Variants in ADGRA3 observed in about 807,000 individuals in gnomAD.
ADGRA3 encodes G-protein coupled receptor 125.
In ADGRA3, 56 loss-of-function variants were observed where a neutral mutation model predicts 119.8. The ratio of observed to expected loss-of-function variants is 0.47; its 90% CI spans 0.38 to 0.58. The LOEUF is 0.58. Ranked by LOEUF, ADGRA3 falls within the 20% of genes least tolerant of loss-of-function variation. ADGRA3 has a pLI of 0.00. For missense variants in ADGRA3, 1,516 were observed against 1,649.0 expected (o/e 0.92, Z 1.40); for synonymous variants, 607 against 623.8 (o/e 0.97, Z 0.40).
At chr4:22,428,555 T>C (rs1006291969) in intron 10 of ADGRA3, among the ~76,000 whole-genome samples, 1 of 152,064 alleles carries the variant, frequency 6.6e-6, no homozygotes, top group African/African-American at 2.4e-5. Context: ...GGAGCAATGG[T>C]TTTGGAGATG....
chr4:22,483,609 T>C lies in ADGRA3; in HGVS notation c.258-9766A>G, dbSNP rs59538761. 8.0e-3 allele frequency among the ~76,000 whole-genome samples: 1,213 copies of C among 152,262 alleles called. 29 individuals carry two copies. The highest frequency in any genetic ancestry group is 0.072 in the East Asian group (374 of 5,182). On this transcript the variant is annotated intron_variant, in intron 1 of 18. Coordinates refer to ENST00000334304, the MANE Select transcript of ADGRA3 (RefSeq NM_145290.4). ...AAACTTAAAACCATCTTAAAACTGA[T>C]AGCAAAAGAATCTTCCAGCTGTTAG...
intron 1 of ADGRA3, among the ~76,000 whole-genome samples, chr4:22,511,369 CAA>C (rs745624535): frequency 6.6e-6 from 1 of 152,104 alleles, no homozygotes; most frequent in Non-Finnish European, 1.5e-5. Context: ...TCCCTCAATA[CAA>C]AAGTCTACCT....
Position 22,515,722 on chromosome 4 carries a change from C to A in ADGRA3, c.63G>T (p.Leu21=), listed in dbSNP as rs1719640782. ...AQPPLLLPLS[L]LALLALLGGG... Reference sequence around the variant, plus strand: ...CTCCCAGCAGCGCGAGCAGCGCTAACAGCGAGAGCGGCAGCAACAGCGGCG... The same window carrying A: ...CTCCCAGCAGCGCGAGCAGCGCTAAAAGCGAGAGCGGCAGCAACAGCGGCG... The change falls in exon 1 of 19, where the codon CTG becomes CTT. Residue 21 remains leucine (L), a synonymous_variant. Transcript: ENST00000334304. 2 of 1,058,834 alleles carry A rather than the reference C, an allele frequency of 1.9e-6. No individual in the cohort carries two copies. Among genetic ancestry groups the A allele is most frequent in the Middle Eastern group, 4.4e-4 (1 of 2,256 alleles). 65.6% of individuals were successfully genotyped at this position (1,058,834 alleles called of 1,614,324 possible).
At chr4:22,411,555 C>G (rs1715198162) in intron 14 of ADGRA3, among the ~76,000 whole-genome samples, 1 of 152,076 alleles carries the variant, frequency 6.6e-6, no homozygotes, top group African/African-American at 2.4e-5. Flanking sequence ...GGCGAGATTG[C>G]ACCACTGCAC....
chr4:22,501,212 T>C (rs886409623), intron 1 of ADGRA3, among the ~76,000 whole-genome samples: 33 of 152,136 alleles, frequency 2.2e-4, no homozygotes, highest in African/African-American at 7.0e-4. Flanking sequence ...CTCTAGAAAA[T>C]CTTAATATAC....
At chr4:22,476,300 C>T (rs887466493) in intron 1 of ADGRA3, among the ~76,000 whole-genome samples, 1 of 152,096 alleles carries the variant, frequency 6.6e-6, no homozygotes, top group African/African-American at 2.4e-5. Flanking sequence ...AGTATCCATC[C>T]TGAGCCGGCA....
chr4:22,422,328 A>C (rs1460470048), intron 11 of ADGRA3, among the ~76,000 whole-genome samples: 1 of 152,212 alleles, frequency 6.6e-6, no homozygotes, highest in East Asian at 1.9e-4. Context: ...AAAAATACAA[A>C]AAGTAAAGTA....
intron 11 of ADGRA3, among the ~76,000 whole-genome samples, chr4:22,423,898 A>G (rs954637273): frequency 6.6e-6 from 1 of 152,238 alleles, no homozygotes; most frequent in Admixed American, 6.5e-5. Flanking sequence ...AGATTAAGAA[A>G]GTATTTTCCA....
chr4:22,436,986 A>AT (rs1329696598), intron 8 of ADGRA3, among the ~76,000 whole-genome samples: 1 of 152,232 alleles, frequency 6.6e-6, no homozygotes, highest in Non-Finnish European at 1.5e-5. Context: ...ATTTAATTGC[A>AT]TAATATCTTA....
rs1238286325 is a variant in ADGRA3 at position 22,401,424 on chromosome 4, G to A, written c.2481+7C>T. ...TTTTTCCATTTCGGTTTTTCACTCT[G>A]ACTTACTGCTTGGCAGATGCTGGCA... On this transcript the variant is annotated splice_region_variant and intron_variant, in intron 16 of 18. Coordinates refer to ENST00000334304, the MANE Select transcript of ADGRA3 (RefSeq NM_145290.4). 1.3e-6 allele frequency: 2 copies of A among 1,593,234 alleles called. No individual in the cohort carries two copies. The highest frequency in any genetic ancestry group is 1.7e-5 in the Admixed American group (1 of 58,188).
At chr4:22,401,631 A>T in intron 15 of ADGRA3, 77 bp from the exon 16 acceptor site, 1 of 1,095,140 alleles carries the variant, frequency 9.1e-7, no homozygotes. Flanking sequence ...TCTTAATTCC[A>T]ACTTCATCAA....
chr4:22,445,167 T>G (rs766808738), intron 5 of ADGRA3, 34 bp from the exon 6 acceptor site: 1 of 1,597,854 alleles, frequency 6.3e-7, no homozygotes, highest in South Asian at 1.1e-5. Flanking sequence ...GAGATTATAG[T>G]GAATAAAATT....
intron 2 of ADGRA3, among the ~76,000 whole-genome samples, chr4:22,469,187 T>C (rs1450516697): frequency 6.6e-6 from 1 of 152,198 alleles, no homozygotes; most frequent in African/African-American, 2.4e-5. Context: ...CTGCACACTC[T>C]ACTGAAAACC....
At chr4:22,437,225 T>A (rs55884159) in intron 8 of ADGRA3, among the ~76,000 whole-genome samples, 1 of 152,310 alleles carries the variant, frequency 6.6e-6, no homozygotes, top group Non-Finnish European at 1.5e-5. Flanking sequence ...CTAATCTACA[T>A]AAAAGACTTA....
Position 22,419,050 on chromosome 4 carries a change from G to A in ADGRA3, c.1809+1836C>T, listed in dbSNP as rs151075400. On this transcript the variant is annotated intron_variant, in intron 12 of 18. Coordinates refer to ENST00000334304, the MANE Select transcript of ADGRA3 (RefSeq NM_145290.4). Reference sequence around the variant, plus strand: ...TTTGTGCAATACAGGATGGGAGTCCGAAGCAGGCTGAGGAGGGAGTATAGA... The same window carrying A: ...TTTGTGCAATACAGGATGGGAGTCCAAAGCAGGCTGAGGAGGGAGTATAGA... Among the ~76,000 whole-genome samples the A allele has an allele frequency of 8.7e-3, 1,326 of 152,280 alleles. 21 individuals are homozygous for A. The highest frequency in any genetic ancestry group is 0.044 in the East Asian group (229 of 5,176).
At chr4:22,445,610 T>C (rs975887008) in intron 5 of ADGRA3, among the ~76,000 whole-genome samples, 7 of 152,160 alleles carry the variant, frequency 4.6e-5, no homozygotes, top group Non-Finnish European at 1.0e-4. Flanking sequence ...CCTAAAGCAA[T>C]ACAGATTGTT....
intron 2 of ADGRA3, among the ~76,000 whole-genome samples, chr4:22,466,832 C>T (rs1273815570): frequency 6.6e-6 from 1 of 152,174 alleles, no homozygotes; most frequent in Non-Finnish European, 1.5e-5. Flanking sequence ...ACAGGTTCCA[C>T]AAGAGCAGGC....
intron 12 of ADGRA3, among the ~76,000 whole-genome samples, chr4:22,415,244 A>G (rs1174563648): frequency 1.3e-5 from 2 of 152,186 alleles, no homozygotes; most frequent in Admixed American, 1.3e-4. Flanking sequence ...TCTGTATGGC[A>G]TGTTTATTTT....
chr4:22,465,071 GA>G (rs1717607525), intron 2 of ADGRA3, among the ~76,000 whole-genome samples: 1 of 152,194 alleles, frequency 6.6e-6, no homozygotes, highest in African/African-American at 2.4e-5. Context: ...GTGTAGACCA[GA>G]AGCCATTCAA....
Sources: gnomAD v4.1 joint callset for allele counts (sites outside exome capture counted in the v4.1 genomes callset) on GRCh38, gnomAD v4.1.1 for gene constraint, MANE v1.5 for transcripts, NCBI Gene and HGNC (gene_info 2026-07-23, HGNC 2026-07-21) for gene names.